Variants in PCDH9 observed in about 807,000 individuals in gnomAD.
PCDH9 encodes the protein protocadherin-9.
In PCDH9, 24 loss-of-function variants were observed where a neutral mutation model predicts 70.6. The ratio of observed to expected loss-of-function variants is 0.34; its 90% CI spans 0.25 to 0.48. The LOEUF is 0.48. Ranked by LOEUF, PCDH9 falls within the 20% of genes least tolerant of loss-of-function variation. The pLI is 0.99. For missense variants in PCDH9, 1,281 were observed against 1,503.6 expected (o/e 0.85, Z 2.45); for synonymous variants, 562 against 558.5 (o/e 1.01, Z -0.09).
At chr13:66,737,465 A>G (rs1164824774) in intron 3 of PCDH9, among the ~76,000 whole-genome samples, 2 of 152,184 alleles carry the variant, frequency 1.3e-5, no homozygotes, top group Admixed American at 1.3e-4. Context: ...AATTAATGTA[A>G]ATTAAAATTT....
intron 2 of PCDH9, chr13:66,977,428 A>G (rs1433365984): frequency 6.6e-6 from 1 of 152,096 alleles, no homozygotes; most frequent in African/African-American, 2.4e-5. Context: ...CACATAAAGA[A>G]AGTTTTGATG....
intron 4 of PCDH9, among the ~76,000 whole-genome samples, chr13:66,345,959 C>T (rs752795404): frequency 5.9e-5 from 9 of 152,084 alleles, no homozygotes; most frequent in Non-Finnish European, 1.3e-4. Flanking sequence ...GGGGAAAAGC[C>T]GTCAATAAAA....
chr13:66,510,427 T>G (rs951486241), intron 4 of PCDH9, among the ~76,000 whole-genome samples: 9 of 152,096 alleles, frequency 5.9e-5, no homozygotes, highest in Non-Finnish European at 1.0e-4. Context: ...TTGTTACATA[T>G]GTATACATGT....
intron 3 of PCDH9, among the ~76,000 whole-genome samples, chr13:66,710,232 T>C (rs1194687222): frequency 6.6e-6 from 1 of 152,150 alleles, no homozygotes; most frequent in Non-Finnish European, 1.5e-5. Flanking sequence ...TTTATACATT[T>C]TTACTAGAAT....
chr13:67,059,921 C>T (rs1256071264), intron 2 of PCDH9, among the ~76,000 whole-genome samples: 2 of 147,630 alleles, frequency 1.4e-5, no homozygotes, highest in Non-Finnish European at 1.5e-5. Context: ...CACCACTTCA[C>T]TAGATGCTCA....
chr13:67,127,294 C>T (rs1019828387), intron 2 of PCDH9, among the ~76,000 whole-genome samples: 35 of 152,230 alleles, frequency 2.3e-4, no homozygotes, highest in African/African-American at 7.9e-4. Flanking sequence ...TCATCCAAGG[C>T]CACTTTGTGA....
chr13:66,889,486 T>A (rs535388508), intron 3 of PCDH9, among the ~76,000 whole-genome samples: 1 of 152,270 alleles, frequency 6.6e-6, no homozygotes, highest in East Asian at 1.9e-4. Context: ...TGCCTATGGG[T>A]GCTGGTAAAT....
At chr13:66,945,851 T>C (rs1410003921) in intron 2 of PCDH9, among the ~76,000 whole-genome samples, 1 of 152,174 alleles carries the variant, frequency 6.6e-6, no homozygotes, top group African/African-American at 2.4e-5. Context: ...GAAATACTCA[T>C]GGGTATGTGT....
chr13:66,542,075 C>G (rs1435215195), intron 4 of PCDH9, among the ~76,000 whole-genome samples: 1 of 152,098 alleles, frequency 6.6e-6, no homozygotes, highest in African/African-American at 2.4e-5. Flanking sequence ...CTGTGTAAAA[C>G]AGCAGATGAG....
chr13:66,604,734 C>T (rs1018333057), intron 4 of PCDH9, among the ~76,000 whole-genome samples: 5 of 151,912 alleles, frequency 3.3e-5, no homozygotes, highest in African/African-American at 1.2e-4. Context: ...TAGAACAAAT[C>T]ATAAATATCT....
chr13:66,418,357 G>A (rs550199815), intron 4 of PCDH9, among the ~76,000 whole-genome samples: 3 of 152,200 alleles, frequency 2.0e-5, no homozygotes, highest in Non-Finnish European at 4.4e-5. Flanking sequence ...TGTTCCATTG[G>A]TCTACATATC....
chr13:66,359,501 T>C (rs1956434398), intron 4 of PCDH9, among the ~76,000 whole-genome samples: 2 of 151,906 alleles, frequency 1.3e-5, no homozygotes, highest in South Asian at 4.1e-4. Context: ...AGAATGTTCC[T>C]AAAAATAAAA....
chr13:66,520,190 C>A (rs542820876), intron 4 of PCDH9, among the ~76,000 whole-genome samples: 2 of 152,068 alleles, frequency 1.3e-5, no homozygotes, highest in Non-Finnish European at 2.9e-5. Flanking sequence ...TTGTTTTGAA[C>A]GTCTTAAACT....
intron 2 of PCDH9, among the ~76,000 whole-genome samples, chr13:67,079,987 T>C (rs527358204): frequency 6.6e-6 from 1 of 152,182 alleles, no homozygotes; most frequent in Non-Finnish European, 1.5e-5. Context: ...AGATGTCTGA[T>C]CTTTTTAAGG....
At chr13:66,311,974 A>G (rs1955569227) in intron 4 of PCDH9, among the ~76,000 whole-genome samples, 1 of 152,184 alleles carries the variant, frequency 6.6e-6, no homozygotes, top group Non-Finnish European at 1.5e-5. Flanking sequence ...TTTATTCAAT[A>G]ATTTCTGATT....
intron 2 of PCDH9, among the ~76,000 whole-genome samples, chr13:67,139,849 A>G (rs1287056978): frequency 1.3e-5 from 2 of 152,198 alleles, no homozygotes; most frequent in Non-Finnish European, 2.9e-5. Context: ...ATTTGGTCAC[A>G]AATGATAAAC....
Position 67,226,295 on chromosome 13 carries a change from T to C in PCDH9, c.2146A>G (p.Thr716Ala), listed in dbSNP as rs770302609. The C allele has an allele frequency of 5.0e-6, 8 of 1,614,000 alleles. No individual in the cohort carries two copies. The highest frequency in any genetic ancestry group is 2.7e-5 in the African/African-American group (2 of 74,932). Residue 716 changes from threonine (T) to alanine (A), a missense_variant, in exon 2 of 5, where the codon ACT becomes GCT. By Grantham distance (58) the Thr-to-Ala change is moderately conservative. Coordinates refer to ENST00000377865, the MANE Select transcript of PCDH9 (RefSeq NM_203487.3). This position sits in a 1 kb window ranked among gnomAD's most constrained non-coding sequence, Gnocchi z 5.0. ...DTGMNAELKY[T>A]IVSGNNKGLF... is the part of the protein sequence containing the mutation. The stretch of plus-strand genomic sequence containing the variant: ...CCTTTATTGTTTCCACTCACTATAG[T>C]ATACTTTAGTTCAGCGTTCATTCCA...
intron 3 of PCDH9, among the ~76,000 whole-genome samples, chr13:66,826,816 G>GA (rs973852918): frequency 6.6e-6 from 1 of 152,094 alleles, no homozygotes; most frequent in Admixed American, 6.5e-5. Flanking sequence ...ATTCTGGACA[G>GA]AAAAAACAAC....
chr13:66,640,632 G>A (rs920066997), intron 3 of PCDH9, among the ~76,000 whole-genome samples: 1 of 152,018 alleles, frequency 6.6e-6, no homozygotes, highest in Non-Finnish European at 1.5e-5. Flanking sequence ...TAGTAAGAAT[G>A]AAAACTAGTA....
Sources: allele counts gnomAD v4.1 joint callset (sites outside exome capture counted in the v4.1 genomes callset), GRCh38; gene constraint gnomAD v4.1.1; non-coding constraint Gnocchi (gnomAD v3.1); transcripts MANE v1.5; gene names NCBI Gene and HGNC (gene_info 2026-07-23, HGNC 2026-07-21).